DNAH2: variants seen among roughly 807,000 people sequenced by gnomAD.
The protein encoded by DNAH2 is axonemal beta dynein heavy chain 2.
DNAH2 carries 323 observed loss-of-function variants against 523.5 expected under a neutral mutation model. The ratio of observed to expected loss-of-function variants is 0.62; its 90% confidence interval spans 0.56 to 0.68. DNAH2 has a LOEUF of 0.68. Among genes scored for constraint, DNAH2 ranks in the 30% least tolerant of loss-of-function variants. The probability of loss-of-function intolerance (pLI) is 0.00; values close to 1 mark genes in which losing one functional copy is unlikely to be tolerated. For missense variants in DNAH2, 4,907 were observed against 5,701.5 expected, an observed-to-expected ratio of 0.86 and a Z score of 4.49; for synonymous variants, 2,093 against 2,177.4, an observed-to-expected ratio of 0.96 and a Z score of 1.08.
intron 61 of DNAH2, among the ~76,000 whole-genome samples, chr17:7,805,776 C>A (rs553741100): frequency 6.6e-6 from 1 of 152,182 alleles, no homozygotes; most frequent in Non-Finnish European, 1.5e-5. Context: ...ATCGTTTAAA[C>A]CTGGAAGGCT....
rs35943055 is a variant in DNAH2 at position 7,826,535 on chromosome 17, C to CTTTTTTTTT, written c.11853+1822_11853+1830dup. On this transcript the variant is annotated intron_variant, in intron 77 of 85. Transcript: ENST00000572933. ...CCTTGAATATCTGTGTGCCCATCATCTTTTTTTTTTTTTTTTTTTTTTGAG... is the reference window on the plus strand; with the variant it reads ...CCTTGAATATCTGTGTGCCCATCATCTTTTTTTTTTTTTTTTTTTTTTTTTTTTTTTGAG... Among the ~76,000 whole-genome samples, 8 of 111,264 alleles carry CTTTTTTTTT rather than the reference C, an allele frequency of 7.2e-5. 1 individual carries two copies. Among genetic ancestry groups the CTTTTTTTTT allele is most frequent in the East Asian group, 6.3e-4 (2 of 3,178 alleles). The allele number at this position is 111,264 out of a possible 152,430, so 73.0% of individuals were successfully genotyped here.
At chr17:7,810,444 G>A (rs936324244) in intron 63 of DNAH2, among the ~76,000 whole-genome samples, 1 of 152,048 alleles carries the variant, frequency 6.6e-6, no homozygotes, top group Non-Finnish European at 1.5e-5. Context: ...GCTGGAGCAC[G>A]GTGGTGCGAT....
intron 42 of DNAH2, chr17:7,787,469 T>G (rs994718686): frequency 3.9e-6 from 1 of 253,818 alleles, no homozygotes; most frequent in East Asian, 9.5e-5. Context: ...GCCGGGTGGC[T>G]CACGCCTGTA....
intron 2 of DNAH2, among the ~76,000 whole-genome samples, chr17:7,721,063 C>T (rs1378425946): frequency 7.2e-6 from 1 of 139,694 alleles, no homozygotes; most frequent in African/African-American, 2.7e-5. Flanking sequence ...GCCTGGAGTG[C>T]ATTGGCATAA....
chr17:7,724,041 ACCTTT>A (rs1242747905), intron 3 of DNAH2, among the ~76,000 whole-genome samples: 3 of 152,120 alleles, frequency 2.0e-5, no homozygotes, highest in African/African-American at 7.2e-5. Context: ...TGCTCTTTCC[ACCTTT>A]CCTTCAGTTC....
At position 7,754,826 on chromosome 17, in the gene DNAH2, CCA is replaced by C; in HGVS notation, c.1905-2264_1905-2263del. ...TTTCAGCTCAGGCTCCCAAAGCTGCCCAGTGCCCTACAAAGACTTCAGAGTAG... is the reference window on the plus strand; with the variant it reads ...TTTCAGCTCAGGCTCCCAAAGCTGCCGTGCCCTACAAAGACTTCAGAGTAG... On this transcript the variant is annotated intron_variant, in intron 12 of 85. Coordinates refer to ENST00000572933, the MANE Select transcript of DNAH2 (RefSeq NM_020877.5). The surrounding 1 kb of genome is among the most constrained non-coding windows in gnomAD (Gnocchi z 4.6). The C allele has an allele frequency of 1.4e-6, 1 of 713,984 alleles. No homozygotes were observed. Among genetic ancestry groups the C allele is most frequent in the South Asian group, 1.5e-5 (1 of 64,808 alleles). The allele number at this position is 713,984 out of a possible 1,614,324, so 44.2% of individuals were successfully genotyped here.
In DNAH2 at chr17:7,831,810, A is replaced by G. The variant is rs371279367; in HGVS notation, c.12726+35A>G. 5.7e-6 allele frequency: 9 copies of G among 1,579,762 alleles called. No individual in the cohort carries two copies. In the African/African-American group the frequency reaches 8.1e-5, roughly 14 times the overall value. On this transcript the variant is annotated intron_variant, in intron 82 of 85. Transcript: ENST00000572933. This position sits in a 1 kb window ranked among gnomAD's most constrained non-coding sequence, Gnocchi z 4.2. ...TACCATTGTTGATCCTTCTCCAACA[A>G]TGAGCTCCCCTCTCAATCCTGGGCC... is the stretch of plus-strand genomic sequence containing the variant.
In DNAH2 at chr17:7,734,277, G is replaced by A. The variant is rs2075076659; in HGVS notation, c.723G>A (p.Leu241=). 6 of 1,607,178 alleles carry A rather than the reference G, an allele frequency of 3.7e-6. No individual in the cohort carries two copies. The part of the protein sequence containing the change: ...KPEMVIKDKE[L]VQRLETSMIH... Reference sequence around the variant, plus strand: ...AGATGGTGATAAAGGACAAAGAGCTGGTGCAACGGCTAGAGAGTGAGTGGC... The same window carrying A: ...AGATGGTGATAAAGGACAAAGAGCTAGTGCAACGGCTAGAGAGTGAGTGGC... The change falls in exon 6 of 86, where the codon CTG becomes CTA. Residue 241 remains leucine, a synonymous_variant. Coordinates refer to ENST00000572933, the MANE Select transcript of DNAH2 (RefSeq NM_020877.5).
In DNAH2 at chr17:7,786,013, G is replaced by C; in HGVS notation, c.6130-111G>C. 2 of 1,132,774 alleles carry C rather than the reference G, an allele frequency of 1.8e-6. No homozygotes were observed. Among genetic ancestry groups the C allele is most frequent in the Non-Finnish European group, 2.5e-6 (2 of 792,294 alleles). 70.2% of individuals were successfully genotyped at this position (1,132,774 alleles called of 1,614,324 possible). A position where few individuals can be genotyped will look rare whatever the true frequency, so the allele number is the denominator to read the frequency against. On this transcript the variant is annotated intron_variant, in intron 39 of 85. Coordinates refer to ENST00000572933, the MANE Select transcript of DNAH2 (RefSeq NM_020877.5). The surrounding 1 kb of genome is among the most constrained non-coding windows in gnomAD (Gnocchi z 7.5). ...CAGAGCCGGAGTGCAGAGGGCCCTG[G>C]TGCCATTTTTAACAGTTTGAACGTA...
chr17:7,737,212 C>G lies in DNAH2; in HGVS notation c.1124C>G (p.Ser375Cys). The change falls in exon 8 of 86, where the codon TCT becomes TGT. Residue 375 changes from serine to cysteine, a missense_variant. Physicochemically the swap from Ser to Cys is moderately radical, Grantham distance 112. Around this residue, in one of 3 missense-constraint regions of DNAH2, gnomAD observed 2,806 missense variants for 3,190.8 expected, o/e 0.88. Coordinates refer to ENST00000572933, the MANE Select transcript of DNAH2 (RefSeq NM_020877.5). ...CTCATCCGCATCATCTGGGTCAACT[C>G]TCCCCACTACAACACTCGGGAGAGA... ...ISLIRIIWVNSPHYNTRERLT... is the reference protein window; with the variant it reads ...ISLIRIIWVNCPHYNTRERLT... The G allele has an allele frequency of 6.2e-7, 1 of 1,614,198 alleles. No homozygotes were observed. Among genetic ancestry groups the G allele is most frequent in the Non-Finnish European group, 8.5e-7 (1 of 1,180,036 alleles).
At chr17:7,757,265 T>C in intron 13 of DNAH2, 28 bp downstream of exon 13, 1 of 1,605,730 alleles carries the variant, frequency 6.2e-7, no homozygotes, top group Non-Finnish European at 8.5e-7. Flanking sequence ...ACTGCAGCCC[T>C]TCAAGATGCT....
At position 7,832,293 on chromosome 17, in the gene DNAH2, A is replaced by G. The variant is rs1469160614; in HGVS notation, c.12727-286A>G. On this transcript the variant is annotated intron_variant, in intron 82 of 85. Transcript: ENST00000572933. This position sits in a 1 kb window ranked among gnomAD's most constrained non-coding sequence, Gnocchi z 4.3. ...GAGGCTGAGGCGGGCAGATCACCTGAGTTTAGGAGTTTGAGACCAGCCTGG... is the reference window on the plus strand; with the variant it reads ...GAGGCTGAGGCGGGCAGATCACCTGGGTTTAGGAGTTTGAGACCAGCCTGG... 1.3e-5 allele frequency among the ~76,000 whole-genome samples: 2 copies of G among 152,052 alleles called. No homozygotes were observed. Among genetic ancestry groups the G allele is most frequent in the Non-Finnish European group, 2.9e-5 (2 of 68,016 alleles).
intron 20 of DNAH2, among the ~76,000 whole-genome samples, chr17:7,764,782 C>CTTTTTTT (rs59188289): frequency 9.5e-4 from 47 of 49,414 alleles, no homozygotes; most frequent in Non-Finnish European, 1.1e-3. Flanking sequence ...ACTGTATTTA[C>CTTTTTTT]TTTTTTTTTT....
In DNAH2 at chr17:7,830,222, A is replaced by G; in HGVS notation, c.11854-78A>G. On this transcript the variant is annotated intron_variant, in intron 77 of 85. Coordinates refer to ENST00000572933, the MANE Select transcript of DNAH2 (RefSeq NM_020877.5). ...TGCCTTTGTGCAATGAAGAACCTCC[A>G]CAACTGTACATGGCAGTGCTAGTGG... The G allele has an allele frequency of 2.0e-6, 3 of 1,491,686 alleles. No individual in the cohort carries two copies. The East Asian group carries it at 6.8e-5, about 34-fold the overall frequency. 92.4% of individuals were successfully genotyped at this position (1,491,686 alleles called of 1,614,324 possible).
Position 7,759,013 on chromosome 17 carries a change from G to A in DNAH2, c.2337G>A (p.Glu779=), listed in dbSNP as rs760576469. 3.7e-5 allele frequency: 60 copies of A among 1,614,036 alleles called. No homozygotes were observed. In the Middle Eastern group the frequency reaches 9.9e-4, roughly 27 times the overall value. Residue 779 remains glutamate, a synonymous_variant, in exon 15 of 86, where the codon GAG becomes GAA. Transcript: ENST00000572933. The stretch of plus-strand genomic sequence containing the variant: ...TATACAGGGACCTGGAATTTGAAGA[G>A]GACCAAAGAGAGCATCGGGCAGCTG... ...KRVYRDLEFE[E]DQREHRAAVQ... is the part of the protein sequence containing the mutation.
chr17:7,766,283 G>A, intron 21 of DNAH2, 35 bp from the exon 22 acceptor site: 4 of 1,601,538 alleles, frequency 2.5e-6, no homozygotes, highest in Non-Finnish European at 3.4e-6. Context: ...CCAGACGTGA[G>A]CGGGAAGCTG....
chr17:7,801,589 G>A lies in DNAH2; in HGVS notation c.8711G>A (p.Arg2904His), dbSNP rs2309808. 18 of 1,614,036 alleles carry A rather than the reference G, an allele frequency of 1.1e-5. No homozygotes were observed. Among genetic ancestry groups the A allele is most frequent in the African/African-American group, 1.3e-5 (1 of 74,922 alleles). The change falls in exon 57 of 86, where the codon CGC becomes CAC. Residue 2904 changes from arginine to histidine, a missense_variant. Coordinates refer to ENST00000572933, the MANE Select transcript of DNAH2 (RefSeq NM_020877.5). ...AAACCCCTTCCCAGGAACTGGATCC[G>A]CCAGTACCCAGCCTTGGTGAACTGC... ...PMGDPFRNWI[R>H]QYPALVNCTT...
chr17:7,740,369 T>C (rs925084685), intron 9 of DNAH2, 51 bp from the exon 10 acceptor site: 3 of 1,605,834 alleles, frequency 1.9e-6, no homozygotes, highest in East Asian at 2.2e-5. Context: ...GGGGTTGGAG[T>C]TGGGGGCAGG....
chr17:7,775,941 C>T (rs2076439933), intron 30 of DNAH2, 83 bp from the exon 31 acceptor site: 1 of 1,562,036 alleles, frequency 6.4e-7, no homozygotes, highest in Non-Finnish European at 8.7e-7. Flanking sequence ...CCCTGAAGTG[C>T]TGCTCCATAA....
Sources: gnomAD v4.1 joint callset for allele counts (sites outside exome capture counted in the v4.1 genomes callset) on GRCh38, gnomAD v4.1.1 for gene constraint, gnomAD v4.1.1 regional missense constraint, Gnocchi (gnomAD v3.1) non-coding constraint, MANE v1.5 for transcripts, NCBI Gene and HGNC (gene_info 2026-07-23, HGNC 2026-07-21) for gene names.